Variants in GRID2 observed in about 807,000 individuals in gnomAD.
GRID2 encodes glutamate receptor ionotropic, delta-2.
GRID2 carries 33 observed loss-of-function variants against 114.8 expected under a neutral mutation model. The observed-to-expected ratio is 0.29, with a 90% CI of 0.22 to 0.38. GRID2 has a LOEUF of 0.38. Among genes scored for constraint, GRID2 ranks in the 10% least tolerant of loss-of-function variants. The pLI, the probability that GRID2 is intolerant of heterozygous loss-of-function variation, is 1.00. For synonymous variants in GRID2, 505 were observed against 449.9 expected, an observed-to-expected ratio of 1.12 and a Z score of -1.55; for missense variants, 1,184 against 1,257.7, an observed-to-expected ratio of 0.94 and a Z score of 0.89.
chr4:92,915,612 T>C (rs1339679901), intron 2 of GRID2, among the ~76,000 whole-genome samples: 1 of 152,166 alleles, frequency 6.6e-6, no homozygotes, highest in Admixed American at 6.6e-5. Flanking sequence ...ATGTTATTTC[T>C]GCTTTTAGAT....
chr4:93,335,858 G>A (rs112807527), intron 8 of GRID2, among the ~76,000 whole-genome samples: 1,865 of 151,718 alleles, frequency 0.012, 40 homozygotes, highest in African/African-American at 0.043. Flanking sequence ...TATCATATTC[G>A]GCTAGTTTTT....
intron 2 of GRID2, among the ~76,000 whole-genome samples, chr4:92,684,402 C>T (rs1371485062): frequency 6.6e-6 from 1 of 151,740 alleles, no homozygotes; most frequent in Non-Finnish European, 1.5e-5. Context: ...TTTATTACTT[C>T]AATATACCTA....
chr4:92,332,525 A>G (rs912745067), intron 1 of GRID2, among the ~76,000 whole-genome samples: 9 of 152,166 alleles, frequency 5.9e-5, no homozygotes, highest in Admixed American at 5.2e-4. Context: ...ATTGAAAAAT[A>G]TATTCATTTC....
At chr4:93,558,126 G>A (rs1308513686) in intron 13 of GRID2, among the ~76,000 whole-genome samples, 1 of 152,094 alleles carries the variant, frequency 6.6e-6, no homozygotes, top group East Asian at 1.9e-4. Context: ...ATGCCCACAG[G>A]AGAAAGCAGC....
At chr4:92,882,171 T>C (rs1746070560) in intron 2 of GRID2, among the ~76,000 whole-genome samples, 1 of 152,178 alleles carries the variant, frequency 6.6e-6, no homozygotes, top group Non-Finnish European at 1.5e-5. Context: ...TTTTTGTCTT[T>C]AGTTCTACTC....
intron 2 of GRID2, among the ~76,000 whole-genome samples, chr4:92,773,340 G>T (rs2149353609): frequency 6.6e-6 from 1 of 152,232 alleles, no homozygotes; most frequent in Admixed American, 6.5e-5. Context: ...AAAATACCAA[G>T]ATTTGGAAAT....
chr4:93,365,319 C>A (rs946443270), intron 8 of GRID2, among the ~76,000 whole-genome samples: 8 of 152,100 alleles, frequency 5.3e-5, no homozygotes, highest in Admixed American at 1.3e-4. Context: ...CCTCTACAAT[C>A]CATTTAGTTA....
intron 2 of GRID2, among the ~76,000 whole-genome samples, chr4:92,805,584 T>G (rs1389425436): frequency 1.3e-5 from 2 of 152,048 alleles, no homozygotes; most frequent in Non-Finnish European, 2.9e-5. Flanking sequence ...AAATTCTGAA[T>G]TTAGATCCTC....
chr4:92,404,376 C>G (rs1341836372), intron 1 of GRID2, among the ~76,000 whole-genome samples: 1 of 151,998 alleles, frequency 6.6e-6, no homozygotes, highest in East Asian at 1.9e-4. Context: ...ATTAAAAAGT[C>G]AAGAAACAAC....
chr4:92,454,742 A>G (rs1057178698), intron 1 of GRID2, among the ~76,000 whole-genome samples: 2 of 152,224 alleles, frequency 1.3e-5, no homozygotes, highest in Non-Finnish European at 2.9e-5. Flanking sequence ...AGGCTGAGGC[A>G]GGAGAATGGC....
At chr4:93,395,212 C>G (rs1390886127) in intron 8 of GRID2, among the ~76,000 whole-genome samples, 1 of 151,718 alleles carries the variant, frequency 6.6e-6, no homozygotes, top group Non-Finnish European at 1.5e-5. Flanking sequence ...CATATAAGAT[C>G]AAATTAAAAC....
At chr4:92,369,926 A>T (rs1050616942) in intron 1 of GRID2, among the ~76,000 whole-genome samples, 3 of 152,198 alleles carry the variant, frequency 2.0e-5, no homozygotes, top group African/African-American at 7.2e-5. Flanking sequence ...ATATATATTT[A>T]TGTAGCAAAC....
At chr4:92,440,555 G>A (rs1167542058) in intron 1 of GRID2, among the ~76,000 whole-genome samples, 2 of 151,892 alleles carry the variant, frequency 1.3e-5, no homozygotes, top group Non-Finnish European at 1.5e-5. Context: ...AATCCCTGAG[G>A]AGTAGTAGAA....
intron 2 of GRID2, among the ~76,000 whole-genome samples, chr4:92,960,534 T>A (rs945405060): frequency 2.0e-5 from 3 of 152,044 alleles, no homozygotes; most frequent in African/African-American, 7.2e-5. Context: ...TCTGATACTA[T>A]CCTTGCTCTG....
chr4:93,607,421 G>C (rs961070633), intron 13 of GRID2, among the ~76,000 whole-genome samples: 2 of 151,944 alleles, frequency 1.3e-5, no homozygotes, highest in African/African-American at 4.8e-5. Flanking sequence ...AATGTTTCCT[G>C]GCAGGAACAC....
chr4:93,183,137 T>C (rs961994655), intron 4 of GRID2, among the ~76,000 whole-genome samples: 1 of 152,162 alleles, frequency 6.6e-6, no homozygotes, highest in Non-Finnish European at 1.5e-5. Context: ...TAAAATTTAG[T>C]TGCCTGAGGC....
intron 2 of GRID2, among the ~76,000 whole-genome samples, chr4:92,806,834 A>T (rs544286475): frequency 1.3e-5 from 2 of 152,122 alleles, no homozygotes; most frequent in South Asian, 4.1e-4. Context: ...AGTTATCATT[A>T]CAATTGAAAT....
At chr4:92,718,750 A>AT (rs1427279556) in intron 2 of GRID2, among the ~76,000 whole-genome samples, 2 of 141,224 alleles carry the variant, frequency 1.4e-5, no homozygotes, top group Non-Finnish European at 3.1e-5. Context: ...GCAACAGAGT[A>AT]AGACCCTGTC....
At chr4:92,532,372 A>G (rs1222031666) in intron 1 of GRID2, among the ~76,000 whole-genome samples, 1 of 152,200 alleles carries the variant, frequency 6.6e-6, no homozygotes, top group Non-Finnish European at 1.5e-5. Flanking sequence ...TTAAAAGAAA[A>G]GGATTTGGTT....
Sources: gnomAD v4.1 joint callset for allele counts (sites outside exome capture counted in the v4.1 genomes callset) on GRCh38, gnomAD v4.1.1 for gene constraint, MANE v1.5 for transcripts, NCBI Gene and HGNC (gene_info 2026-07-23, HGNC 2026-07-21) for gene names.